The following PTPRD variants were observed in gnomAD, a reference collection of about 807,000 sequenced individuals.
PTPRD encodes the protein protein tyrosine phosphatase receptor type D.
PTPRD carries 34 observed loss-of-function variants against 214.5 expected under a neutral mutation model. That is an observed-to-expected ratio of 0.16 (90% CI 0.12 to 0.21). PTPRD has a LOEUF of 0.21. Among genes scored for constraint, PTPRD ranks in the 10% least tolerant of loss-of-function variants. The pLI, the probability that PTPRD is intolerant of heterozygous loss-of-function variation, is 1.00. For synonymous variants in PTPRD, 1,128 were observed against 845.7 expected, an observed-to-expected ratio of 1.33 and a Z score of -5.79; for missense variants, 2,545 against 2,398.7, an observed-to-expected ratio of 1.06 and a Z score of -1.27.
intron 2 of PTPRD, among the ~76,000 whole-genome samples, chr9:10,569,986 C>T (rs955859284): frequency 6.6e-6 from 1 of 151,992 alleles, no homozygotes; most frequent in African/African-American, 2.4e-5. Flanking sequence ...ATAAGCCAAC[C>T]TTAACCTATT....
rs760839496 is a variant in PTPRD at position 8,460,583 on chromosome 9, CAG to C, written c.3715-14_3715-13del. On this transcript the variant is annotated splice_polypyrimidine_tract_variant and intron_variant, in intron 32 of 45. Coordinates refer to ENST00000381196, the MANE Select transcript of PTPRD (RefSeq NM_002839.4). ...GTTGCATACATCTTCTGAGGAAAAG[CAG>C]AGTCTATTTCAGTTATAAAATAATG... The C allele has an allele frequency of 1.9e-6, 3 of 1,608,836 alleles. No individual in the cohort carries two copies. Among genetic ancestry groups the C allele is most frequent in the Admixed American group, 1.7e-5 (1 of 58,866 alleles).
At chr9:9,027,379 A>G (rs1046456688) in intron 10 of PTPRD, among the ~76,000 whole-genome samples, 1 of 151,974 alleles carries the variant, frequency 6.6e-6, no homozygotes, top group African/African-American at 2.4e-5. Context: ...TGTACACTAT[A>G]CAAACACTGT....
chr9:8,571,337 G>T (rs188082602), intron 14 of PTPRD, among the ~76,000 whole-genome samples: 67 of 152,084 alleles, frequency 4.4e-4, no homozygotes, highest in African/African-American at 1.5e-3. Flanking sequence ...ACAATTACAC[G>T]CTATTTTCCA....
intron 4 of PTPRD, among the ~76,000 whole-genome samples, chr9:9,944,951 G>GGCTTTCCATTTCA (rs2092334030): frequency 6.6e-6 from 1 of 151,940 alleles, no homozygotes; most frequent in Non-Finnish European, 1.5e-5. Flanking sequence ...AAGGCCTACT[G>GGCTTTCCATTTCA]TAAAAGTCTA....
chr9:9,633,691 C>T (rs994572402), intron 7 of PTPRD, among the ~76,000 whole-genome samples: 4 of 152,066 alleles, frequency 2.6e-5, no homozygotes, highest in Non-Finnish European at 5.9e-5. Context: ...TAGGTTATCC[C>T]ATATATTTAT....
chr9:8,368,772 G>A (rs1233387772), intron 39 of PTPRD, among the ~76,000 whole-genome samples: 2 of 145,814 alleles, frequency 1.4e-5, no homozygotes, highest in Non-Finnish European at 3.0e-5. Context: ...ACAGACTGAA[G>A]ACCCAGCCTC....
chr9:8,364,959 C>T (rs536020268), intron 39 of PTPRD, among the ~76,000 whole-genome samples: 3 of 152,156 alleles, frequency 2.0e-5, no homozygotes, highest in South Asian at 4.2e-4. Flanking sequence ...TTTCCTAATG[C>T]ATCTAGAAAA....
chr9:10,341,492 C>T lies in PTPRD; in HGVS notation c.-599-475G>A, dbSNP rs142148038. 2.9e-3 allele frequency among the ~76,000 whole-genome samples: 445 copies of T among 151,922 alleles called. 1 individual carries two copies. The highest frequency in any genetic ancestry group is 0.01 in the African/African-American group (422 of 41,508). Reference sequence around the variant, plus strand: ...GATCAGACATTAATGTTTTGCGTTTCAAAGATAATATTGGGTGCAAAATTC... The same window carrying T: ...GATCAGACATTAATGTTTTGCGTTTTAAAGATAATATTGGGTGCAAAATTC... On this transcript the variant is annotated intron_variant, in intron 2 of 45. Transcript: ENST00000381196.
chr9:9,897,660 T>G (rs562634070), intron 5 of PTPRD, among the ~76,000 whole-genome samples: 7 of 152,194 alleles, frequency 4.6e-5, no homozygotes, highest in African/African-American at 1.7e-4. Context: ...ATTTAAATTA[T>G]AGCTGTTGAT....
At chr9:10,117,515 C>CAA (rs1185287260) in intron 3 of PTPRD, among the ~76,000 whole-genome samples, 1 of 152,044 alleles carries the variant, frequency 6.6e-6, no homozygotes, top group Non-Finnish European at 1.5e-5. Context: ...AGAATACGTC[C>CAA]TTGCTTCCTT....
chr9:9,222,185 T>A (rs1301026178), intron 9 of PTPRD, among the ~76,000 whole-genome samples: 1 of 152,062 alleles, frequency 6.6e-6, no homozygotes, highest in Non-Finnish European at 1.5e-5. Flanking sequence ...TTTAATTTAA[T>A]AGCTTGACCT....
intron 2 of PTPRD, among the ~76,000 whole-genome samples, chr9:10,598,250 A>G (rs1189755635): frequency 3.3e-5 from 5 of 151,830 alleles, no homozygotes; most frequent in Non-Finnish European, 5.9e-5. Context: ...TCAGTTTTAC[A>G]TAAGTATTAT....
At chr9:10,189,140 G>A (rs1593570122) in intron 3 of PTPRD, among the ~76,000 whole-genome samples, 2 of 152,212 alleles carry the variant, frequency 1.3e-5, no homozygotes, top group South Asian at 2.1e-4. Context: ...TAAGTTCTAT[G>A]AATAAATGCT....
chr9:8,583,155 C>T (rs778444271), intron 14 of PTPRD, among the ~76,000 whole-genome samples: 45 of 152,144 alleles, frequency 3.0e-4, no homozygotes, highest in Non-Finnish European at 5.6e-4. Context: ...ACACAGTTTA[C>T]GATAGGTTTT....
chr9:9,236,202 G>A (rs1006714925), intron 9 of PTPRD, among the ~76,000 whole-genome samples: 2 of 152,052 alleles, frequency 1.3e-5, no homozygotes, highest in East Asian at 1.9e-4. Context: ...GCAGTGAGCC[G>A]AGACTGTGCC....
At chr9:8,842,095 A>C (rs2097570476) in intron 11 of PTPRD, among the ~76,000 whole-genome samples, 1 of 152,164 alleles carries the variant, frequency 6.6e-6, no homozygotes, top group Admixed American at 6.5e-5. Flanking sequence ...AATGAGAATG[A>C]AAAAACAACA....
chr9:8,977,199 G>C (rs775686743), intron 11 of PTPRD, among the ~76,000 whole-genome samples: 10 of 151,982 alleles, frequency 6.6e-5, no homozygotes, highest in Non-Finnish European at 1.2e-4. Context: ...ATTAGTCTCT[G>C]CTGGTTTAAC....
At chr9:10,447,514 A>G (rs2098808270) in intron 2 of PTPRD, among the ~76,000 whole-genome samples, 1 of 151,990 alleles carries the variant, frequency 6.6e-6, no homozygotes, top group Non-Finnish European at 1.5e-5. Flanking sequence ...CTGAGATCAA[A>G]TCATTCTTCA....
intron 3 of PTPRD, among the ~76,000 whole-genome samples, chr9:10,195,994 C>T (rs1183108840): frequency 6.6e-6 from 1 of 151,948 alleles, no homozygotes; most frequent in Non-Finnish European, 1.5e-5. Flanking sequence ...AAGGACTGGA[C>T]TGGAAGTGGA....
Sources: allele counts gnomAD v4.1 joint callset (sites outside exome capture counted in the v4.1 genomes callset), GRCh38; gene constraint gnomAD v4.1.1; transcripts MANE v1.5; gene names NCBI Gene and HGNC (gene_info 2026-07-23, HGNC 2026-07-21).